DNM3: variants seen among roughly 807,000 people sequenced by gnomAD.
DNM3 encodes the protein dynamin-3.
In DNM3, 47 loss-of-function variants were observed where a neutral mutation model predicts 101.6. That is an observed-to-expected ratio of 0.46 (90% confidence interval 0.37 to 0.59). DNM3 has a LOEUF of 0.59. DNM3 is among the 20% of genes least tolerant of loss of function. The probability of loss-of-function intolerance (pLI) is 0.00; values close to 1 mark genes in which losing one functional copy is unlikely to be tolerated. For missense variants in DNM3, 849 were observed against 1,085.7 expected (o/e 0.78, Z 3.06); for synonymous variants, 385 against 387.9 (o/e 0.99, Z 0.09).
intron 15 of DNM3, among the ~76,000 whole-genome samples, chr1:172,275,277 T>C (rs1444186733): frequency 6.6e-6 from 1 of 152,032 alleles, no homozygotes; most frequent in Non-Finnish European, 1.5e-5. Context: ...ACAGAGGCTA[T>C]CATCTGTGTG....
At chr1:172,205,914 G>C (rs889345437) in intron 14 of DNM3, among the ~76,000 whole-genome samples, 1 of 152,028 alleles carries the variant, frequency 6.6e-6, no homozygotes, top group Non-Finnish European at 1.5e-5. Flanking sequence ...AAAATCTATT[G>C]ATAAGTCTCC....
chr1:172,413,931 GTTTGT>G (rs1342820275), downstream of DNM3, among the ~76,000 whole-genome samples: 1 of 152,112 alleles, frequency 6.6e-6, no homozygotes, highest in Non-Finnish European at 1.5e-5. Flanking sequence ...TGTTCTGTTT[GTTTGT>G]TTTGTTTTAA....
Position 172,412,492 on chromosome 1 carries a change from G to A in DNM3, c.*4651G>A. Reference sequence around the variant, plus strand: ...TTGTTTGAAGAAGGAATATACAGAAGTAAAATCTTGTCTTCTCTGCTGATT... The same window carrying A: ...TTGTTTGAAGAAGGAATATACAGAAATAAAATCTTGTCTTCTCTGCTGATT... On this transcript the variant is annotated 3_prime_UTR_variant, in exon 21 of 21. Coordinates refer to ENST00000627582, the MANE Select transcript of DNM3 (RefSeq NM_015569.5). 1 of 985,780 alleles carries A rather than the reference G, an allele frequency of 1.0e-6. No homozygotes were observed. Among genetic ancestry groups the A allele is most frequent in the Non-Finnish European group, 1.2e-6 (1 of 829,888 alleles). The allele number at this position is 985,780 out of a possible 1,614,324, so 61.1% of individuals were successfully genotyped here.
At chr1:172,001,196 T>G (rs2046337868) in intron 4 of DNM3, among the ~76,000 whole-genome samples, 1 of 151,978 alleles carries the variant, frequency 6.6e-6, no homozygotes, top group South Asian at 2.1e-4. Context: ...AGTGGGGAGA[T>G]AGCTTTTGAT....
chr1:171,920,321 T>C (rs2040055477), intron 1 of DNM3, among the ~76,000 whole-genome samples: 2 of 152,214 alleles, frequency 1.3e-5, no homozygotes, highest in Non-Finnish European at 2.9e-5. Flanking sequence ...CCAAATTTCC[T>C]ACAAAACTCA....
chr1:172,133,654 G>A (rs1231597655), intron 14 of DNM3, among the ~76,000 whole-genome samples: 4 of 152,148 alleles, frequency 2.6e-5, no homozygotes, highest in African/African-American at 9.7e-5. Flanking sequence ...AAAATAAAAT[G>A]GGGCATTGAG....
At position 172,067,556 on chromosome 1, in the gene DNM3, A is replaced by T. The variant is rs186268057; in HGVS notation, c.1336-1263A>T. Among the ~76,000 whole-genome samples the T allele has an allele frequency of 5.3e-5, 8 of 152,124 alleles. No homozygotes were observed. In the East Asian group the frequency reaches 1.5e-3, roughly 29 times the overall value. On this transcript the variant is annotated intron_variant, in intron 10 of 20. Transcript: ENST00000627582. ...GCCACTAATTGCCCCCACTTCCACC[A>T]TGCCTTCACACATGTTCCTGTTCCT...
intron 1 of DNM3, among the ~76,000 whole-genome samples, chr1:171,851,435 AGTCTCGCTCT>A (rs1164205929): frequency 6.8e-6 from 1 of 147,854 alleles, no homozygotes; most frequent in Admixed American, 6.7e-5. Flanking sequence ...TTTGAGACAG[AGTCTCGCTCT>A]GTCGTCCCGG....
chr1:172,283,780 A>AAAAAAAAAAAAAGG (rs1553221113), intron 15 of DNM3, among the ~76,000 whole-genome samples: 1 of 119,090 alleles, frequency 8.4e-6, no homozygotes, highest in African/African-American at 3.4e-5. Flanking sequence ...AAAAAAAAAA[A>AAAAAAAAAAAAAGG]AAAGAAAGAA....
intron 15 of DNM3, among the ~76,000 whole-genome samples, chr1:172,301,125 T>C (rs2064428118): frequency 6.6e-6 from 1 of 152,162 alleles, no homozygotes; most frequent in Admixed American, 6.5e-5. Context: ...AGAAAGCTTG[T>C]TAATCTTGTA....
intron 14 of DNM3, among the ~76,000 whole-genome samples, chr1:172,201,932 A>C (rs2060168339): frequency 6.6e-6 from 1 of 151,980 alleles, no homozygotes; most frequent in Admixed American, 6.6e-5. Flanking sequence ...GTTGCCTTGG[A>C]TTTTCCTGTA....
At chr1:171,847,882 CTCT>C (rs2032367266) in intron 1 of DNM3, among the ~76,000 whole-genome samples, 1 of 39,424 alleles carries the variant, frequency 2.5e-5, no homozygotes, top group East Asian at 1.3e-3. Context: ...ATTAATTACT[CTCT>C]CTCTCTCTCT....
intron 2 of DNM3, among the ~76,000 whole-genome samples, chr1:171,942,965 A>G (rs961953682): frequency 6.6e-6 from 1 of 152,104 alleles, no homozygotes; most frequent in African/African-American, 2.4e-5. Context: ...GTCAAAAATT[A>G]GCCAGGTGAG....
intron 17 of DNM3, among the ~76,000 whole-genome samples, chr1:172,333,875 G>A (rs990795020): frequency 6.6e-6 from 1 of 152,072 alleles, no homozygotes; most frequent in African/African-American, 2.4e-5. Flanking sequence ...AAATATTATT[G>A]ACTATGAATT....
rs943895530 is a variant in DNM3 at position 172,204,576 on chromosome 1, T to C, written c.1660-48997T>C. Among the ~76,000 whole-genome samples, 3 of 152,172 alleles carry C rather than the reference T, an allele frequency of 2.0e-5. No homozygotes were observed. In the East Asian group the frequency reaches 5.8e-4, roughly 29 times the overall value. On this transcript the variant is annotated intron_variant, in intron 14 of 20. Transcript: ENST00000627582. ...TCCATGCCCTGCAAACCTATTGCTC[T>C]TCTGCATGTTCTATCTTTGCTAATG...
intron 2 of DNM3, among the ~76,000 whole-genome samples, chr1:171,968,229 G>T (rs2043730624): frequency 6.6e-6 from 1 of 152,170 alleles, no homozygotes; most frequent in Admixed American, 6.6e-5. Flanking sequence ...ATTCTGTGAT[G>T]ACAGAAACTC....
intron 16 of DNM3, among the ~76,000 whole-genome samples, chr1:172,315,997 G>A (rs1392839723): frequency 2.0e-5 from 3 of 152,070 alleles, no homozygotes; most frequent in Non-Finnish European, 2.9e-5. Flanking sequence ...AGAAAGGTCG[G>A]GTTACCCACA....
chr1:172,068,552 A>G (rs1220821924), intron 10 of DNM3, among the ~76,000 whole-genome samples: 1 of 152,164 alleles, frequency 6.6e-6, no homozygotes, highest in Non-Finnish European at 1.5e-5. Flanking sequence ...GCACAGTGCT[A>G]GATGGTATCT....
intron 15 of DNM3, among the ~76,000 whole-genome samples, chr1:172,303,680 C>T (rs908702543): frequency 2.0e-5 from 3 of 152,192 alleles, no homozygotes; most frequent in Non-Finnish European, 4.4e-5. Context: ...CAGCGGATCT[C>T]TCAGCAGAAA....
Sources: allele counts gnomAD v4.1 joint callset (sites outside exome capture counted in the v4.1 genomes callset), GRCh38; gene constraint gnomAD v4.1.1; transcripts MANE v1.5; gene names NCBI Gene and HGNC (gene_info 2026-07-23, HGNC 2026-07-21).